ZNF608: variants seen among roughly 807,000 people sequenced by gnomAD.
The protein encoded by ZNF608 is zinc finger protein 608, also known as renal carcinoma antigen NY-REN-36.
ZNF608 carries 12 observed loss-of-function variants against 109.0 expected under a neutral mutation model. The observed-to-expected ratio is 0.11, with a 90% CI of 0.07 to 0.18. ZNF608 has a LOEUF of 0.18. Ranked by LOEUF, ZNF608 falls within the 10% of genes least tolerant of loss-of-function variation. The pLI is 1.00. For synonymous variants in ZNF608, 732 were observed against 717.4 expected, an observed-to-expected ratio of 1.02 and a Z score of -0.33; for missense variants, 1,707 against 1,879.3, an observed-to-expected ratio of 0.91 and a Z score of 1.70.
intron 2 of ZNF608, among the ~76,000 whole-genome samples, chr5:124,733,132 T>C (rs1226858735): frequency 6.6e-6 from 1 of 151,706 alleles, no homozygotes; most frequent in African/African-American, 2.4e-5. Context: ...ACCTCATCCA[T>C]AGGATTTGGC....
intron 5 of ZNF608, among the ~76,000 whole-genome samples, chr5:124,645,311 C>T (rs1161569757): frequency 6.6e-6 from 1 of 152,200 alleles, no homozygotes; most frequent in Middle Eastern, 3.2e-3. Context: ...AGCCATCTAT[C>T]TATAAACCCC....
chr5:124,666,733 G>A (rs913318549), intron 3 of ZNF608, among the ~76,000 whole-genome samples: 7 of 151,578 alleles, frequency 4.6e-5, no homozygotes, highest in African/African-American at 1.7e-4. Flanking sequence ...GTGTGTGTGT[G>A]TGTGTGTGTG....
Position 124,685,595 on chromosome 5 carries a change from TC to T in ZNF608, c.1162+15418del, listed in dbSNP as rs1450817135. Among the ~76,000 whole-genome samples, 4 of 150,100 alleles carry T rather than the reference TC, an allele frequency of 2.7e-5. No homozygotes were observed. The East Asian group carries it at 7.8e-4, about 29-fold the overall frequency. Reference sequence around the variant, plus strand: ...GCCTGACTCTCCTGATCAGGCGTAGTCAGGGTAGAGTCAAATCTAGAGGAAA... The same window carrying T: ...GCCTGACTCTCCTGATCAGGCGTAGTAGGGTAGAGTCAAATCTAGAGGAAA... On this transcript the variant is annotated intron_variant, in intron 3 of 9. Coordinates refer to ENST00000513986, the MANE Select transcript of ZNF608 (RefSeq NM_020747.3).
At position 124,701,035 on chromosome 5, in the gene ZNF608, C is replaced by T. The variant is rs1253195849; in HGVS notation, c.1141G>A (p.Val381Met). ...PGTSVNLEGI[V>M]WHETEEGVLV... ...TTACCTTCTTCTGTTTCATGCCACA[C>T]GATCCCTTCCAAATTCACACTGGTC... Residue 381 changes from valine to methionine, a missense_variant, in exon 3 of 10, where the codon GTG (valine) becomes ATG (methionine). By Grantham distance (21) the Val-to-Met change is conservative. Transcript: ENST00000513986. 2 of 1,614,160 alleles carry T rather than the reference C, an allele frequency of 1.2e-6. No homozygotes were observed. Among genetic ancestry groups the T allele is most frequent in the Admixed American group, 1.7e-5 (1 of 60,020 alleles).
At chr5:124,705,168 G>C (rs143013656) in intron 2 of ZNF608, among the ~76,000 whole-genome samples, 10 of 152,304 alleles carry the variant, frequency 6.6e-5, no homozygotes, top group Non-Finnish European at 1.0e-4. Flanking sequence ...TCAGGTCAGT[G>C]ATCCATACAC....
At chr5:124,654,573 T>A (rs1480800843) in intron 3 of ZNF608, among the ~76,000 whole-genome samples, 1 of 152,198 alleles carries the variant, frequency 6.6e-6, no homozygotes, top group Non-Finnish European at 1.5e-5. Flanking sequence ...CCCACAGCAC[T>A]GCATACACAG....
chr5:124,742,180 G>T (rs1749439409), intron 2 of ZNF608, among the ~76,000 whole-genome samples: 1 of 152,126 alleles, frequency 6.6e-6, no homozygotes, highest in Non-Finnish European at 1.5e-5. Context: ...CTCTGTGACT[G>T]GAAAGTGAAA....
intron 2 of ZNF608, among the ~76,000 whole-genome samples, chr5:124,711,538 G>A (rs921016195): frequency 1.3e-5 from 2 of 152,204 alleles, no homozygotes; most frequent in Non-Finnish European, 2.9e-5. Flanking sequence ...GGTGGCATAA[G>A]GACCTAGTTT....
In ZNF608 at chr5:124,721,941, CAAAAAAAAAAAAAAAAAA is replaced by C. The variant is rs199699487; in HGVS notation, c.907-20690_907-20673del. ...TGGGCGACAGAATGAGACTCTGTCT[CAAAAAAAAAAAAAAAAAA>C]AAAAAAAAAAAAAGAACTCAAAGCC... On this transcript the variant is annotated intron_variant, in intron 2 of 9. Coordinates refer to ENST00000513986, the MANE Select transcript of ZNF608 (RefSeq NM_020747.3). 2.9e-4 allele frequency among the ~76,000 whole-genome samples: 6 copies of C among 20,810 alleles called. 1 individual carries two copies. The highest frequency in any genetic ancestry group is 1.8e-3 in the South Asian group (1 of 560). 13.7% of individuals were successfully genotyped at this position (20,810 alleles called of 152,430 possible). A position where few individuals can be genotyped will look rare whatever the true frequency, so the allele number is the denominator to read the frequency against.
In ZNF608 at chr5:124,744,566, G is replaced by A. The variant is rs149178786; in HGVS notation, c.424C>T (p.Arg142Cys). 6.2e-7 allele frequency: 1 copy of A among 1,614,242 alleles called. No homozygotes were observed. Residue 142 changes from arginine to cysteine, a missense_variant, in exon 2 of 10, where the codon CGC becomes TGC. By Grantham distance (180) the Arg-to-Cys change is radical. This residue lies in a region of ZNF608 where 407 missense variants were observed against 398.7 expected (regional missense o/e 1.02). Transcript: ENST00000513986. The surrounding 1 kb of genome is among the most constrained non-coding windows in gnomAD (Gnocchi z 4.5). ...TTCATGCCAGTTGCCTCTCCAGGGCGCCCTTGGACTTCCTGCCTCTTGCCA... is the reference window on the plus strand; with the variant it reads ...TTCATGCCAGTTGCCTCTCCAGGGCACCCTTGGACTTCCTGCCTCTTGCCA... Reference protein sequence around the residue: ...STGKRQEVQGRPGEATGMNSA... With the variant: ...STGKRQEVQGCPGEATGMNSA...
intron 2 of ZNF608, among the ~76,000 whole-genome samples, chr5:124,732,906 C>A (rs978062877): frequency 6.6e-6 from 1 of 152,160 alleles, no homozygotes; most frequent in African/African-American, 2.4e-5. Context: ...AGTTTTGCTT[C>A]CTGACCAGGG....
chr5:124,650,906 G>C (rs1006706843), intron 3 of ZNF608, among the ~76,000 whole-genome samples: 3 of 152,310 alleles, frequency 2.0e-5, no homozygotes, highest in Admixed American at 6.5e-5. Context: ...ACCTGACAAG[G>C]TAAGACTCAT....
chr5:124,688,906 G>C (rs370983466), intron 3 of ZNF608, among the ~76,000 whole-genome samples: 15 of 152,146 alleles, frequency 9.9e-5, no homozygotes, highest in East Asian at 7.7e-4. Context: ...ATTTAAAAGT[G>C]TATCTACCTA....
chr5:124,708,626 ATTG>A (rs1580669502), intron 2 of ZNF608: 3 of 438,638 alleles, frequency 6.8e-6, no homozygotes, highest in Non-Finnish European at 9.2e-6. Flanking sequence ...CTTTTGTTTT[ATTG>A]TTGTTGTTTT....
At chr5:124,708,784 G>A in intron 2 of ZNF608, 1 of 456,148 alleles carries the variant, frequency 2.2e-6, no homozygotes, top group Non-Finnish European at 4.4e-6. Context: ...CTTGGCCTGG[G>A]GATGGACCAG....
At chr5:124,651,939 A>G (rs948386145) in intron 3 of ZNF608, among the ~76,000 whole-genome samples, 2 of 152,218 alleles carry the variant, frequency 1.3e-5, no homozygotes, top group African/African-American at 2.4e-5. Context: ...CATTCGCACT[A>G]ACGAGTCCGG....
At chr5:124,735,675 A>C (rs914356574) in intron 2 of ZNF608, among the ~76,000 whole-genome samples, 1 of 152,220 alleles carries the variant, frequency 6.6e-6, no homozygotes, top group Non-Finnish European at 1.5e-5. Context: ...CTCCCTTTCT[A>C]CTTCAGTGTC....
chr5:124,733,111 C>G (rs1748979487), intron 2 of ZNF608, among the ~76,000 whole-genome samples: 1 of 151,950 alleles, frequency 6.6e-6, no homozygotes, highest in Non-Finnish European at 1.5e-5. Context: ...ACCTTACGGC[C>G]TCATTCTTTC....
intron 2 of ZNF608, among the ~76,000 whole-genome samples, chr5:124,707,271 C>T (rs542062536): frequency 6.6e-6 from 1 of 152,280 alleles, no homozygotes; most frequent in East Asian, 1.9e-4. Context: ...AACAAAGAGA[C>T]ATTCAGGTGG....
Sources: gnomAD v4.1 joint callset for allele counts (sites outside exome capture counted in the v4.1 genomes callset) on GRCh38, gnomAD v4.1.1 for gene constraint, gnomAD v4.1.1 regional missense constraint, Gnocchi (gnomAD v3.1) non-coding constraint, MANE v1.5 for transcripts, NCBI Gene and HGNC (gene_info 2026-07-23, HGNC 2026-07-21) for gene names.